PNPT1: variants seen among roughly 807,000 people sequenced by gnomAD.
PNPT1 encodes the protein polyribonucleotide nucleotidyltransferase 1, also known as polyribonucleotide nucleotidyltransferase 1, mitochondrial.
PNPT1 carries 53 observed loss-of-function variants against 119.5 expected under a neutral mutation model. That is an observed-to-expected ratio of 0.44 (90% CI 0.36 to 0.56). The LOEUF is 0.56. PNPT1 is among the 20% of genes least tolerant of loss of function. The pLI is 0.00. For missense variants in PNPT1, 948 were observed against 938.5 expected (o/e 1.01, Z -0.13); for synonymous variants, 357 against 322.1 (o/e 1.11, Z -1.16).
chr2:55,671,445 TTA>T, intron 10 of PNPT1, 69 bp from the exon 11 acceptor site: 1 of 940,938 alleles, frequency 1.1e-6, no homozygotes, highest in South Asian at 1.9e-5. Context: ...TTTCTAATTA[TTA>T]TACAATGAAC....
intron 15 of PNPT1, among the ~76,000 whole-genome samples, chr2:55,658,202 C>T (rs1373561217): frequency 2.6e-5 from 4 of 152,000 alleles, no homozygotes. Context: ...CACTGCACTC[C>T]AGCCTGAGTG....
At chr2:55,686,692 T>C (rs538161378) in intron 2 of PNPT1, among the ~76,000 whole-genome samples, 2 of 152,348 alleles carry the variant, frequency 1.3e-5, no homozygotes, top group East Asian at 3.9e-4. Context: ...AATAGTATTC[T>C]CTACTTCTTA....
chr2:55,636,953 C>G (rs1304863842), intron 27 of PNPT1, among the ~76,000 whole-genome samples: 2 of 152,142 alleles, frequency 1.3e-5, no homozygotes, highest in African/African-American at 2.4e-5. Flanking sequence ...CTCATCTTCC[C>G]CTGGAGGCTA....
chr2:55,643,087 G>A (rs1462725594), intron 25 of PNPT1, 71 bp downstream of exon 25: 1 of 1,522,846 alleles, frequency 6.6e-7, no homozygotes, highest in Admixed American at 1.7e-5. Context: ...GTATCCCACT[G>A]TGGGTGGCAG....
intron 18 of PNPT1, among the ~76,000 whole-genome samples, chr2:55,650,537 G>A (rs897926161): frequency 2.0e-5 from 3 of 152,040 alleles, no homozygotes; most frequent in Admixed American, 6.6e-5. Context: ...CCAAAGTGCC[G>A]AGATTGCAGC....
chr2:55,651,896 A>AAC (rs1337134121), intron 18 of PNPT1, among the ~76,000 whole-genome samples: 2 of 151,288 alleles, frequency 1.3e-5, no homozygotes, highest in African/African-American at 2.4e-5. Flanking sequence ...AAAAAAAAAA[A>AAC]AAAAAAAACA....
intron 8 of PNPT1, among the ~76,000 whole-genome samples, chr2:55,676,990 GTTAACT>G (rs1281915402): frequency 2.6e-5 from 4 of 152,136 alleles, no homozygotes; most frequent in Admixed American, 6.5e-5. Context: ...TGGACCCGAT[GTTAACT>G]TTAACAGGTA....
chr2:55,637,403 G>A, intron 27 of PNPT1, 149 bp downstream of exon 27: 1 of 748,454 alleles, frequency 1.3e-6, no homozygotes, highest in South Asian at 1.8e-5. Flanking sequence ...TAATGAGTCT[G>A]TTCAAGCAAT....
chr2:55,647,428 T>C lies in PNPT1; in HGVS notation c.1521A>G (p.Ala507=). 6.2e-7 allele frequency: 1 copy of C among 1,608,712 alleles called. No individual in the cohort carries two copies. Among genetic ancestry groups the C allele is most frequent in the East Asian group, 2.2e-5 (1 of 44,784 alleles). The change falls in exon 19 of 28, where the codon GCA becomes GCG. Residue 507 remains alanine, a synonymous_variant. Coordinates refer to ENST00000447944, the MANE Select transcript of PNPT1 (RefSeq NM_033109.5). ...DSGVPISSAV[A]GVAIGLVTKT... ...TGGTGACCAATCCTATTGCTACGCCTGCAACAGCAGATGAAATTGGAACCC... is the reference window on the plus strand; with the variant it reads ...TGGTGACCAATCCTATTGCTACGCCCGCAACAGCAGATGAAATTGGAACCC...
intron 18 of PNPT1, among the ~76,000 whole-genome samples, chr2:55,652,211 C>T (rs1428824378): frequency 2.0e-5 from 3 of 152,032 alleles, no homozygotes; most frequent in Non-Finnish European, 4.4e-5. Context: ...TTTTCAAAAA[C>T]TGGGTACAAT....
At chr2:55,673,888 A>G (rs551768544) in intron 8 of PNPT1, among the ~76,000 whole-genome samples, 1 of 151,812 alleles carries the variant, frequency 6.6e-6, no homozygotes, top group Non-Finnish European at 1.5e-5. Flanking sequence ...ACATCCAGCT[A>G]ATTTTTGTAG....
chr2:55,651,864 G>A (rs1572804675), intron 18 of PNPT1, among the ~76,000 whole-genome samples: 3 of 63,874 alleles, frequency 4.7e-5, no homozygotes, highest in Non-Finnish European at 6.7e-5. Context: ...ATAAAGAGAA[G>A]ACAAAGATAA....
chr2:55,651,921 A>G (rs1361167683), intron 18 of PNPT1, among the ~76,000 whole-genome samples: 1 of 150,382 alleles, frequency 6.6e-6, no homozygotes, highest in African/African-American at 2.4e-5. Flanking sequence ...CCTTCAACAT[A>G]TGGTTCTACT....
intron 15 of PNPT1, among the ~76,000 whole-genome samples, chr2:55,657,122 A>G (rs929412346): frequency 4.6e-5 from 7 of 152,100 alleles, no homozygotes; most frequent in Non-Finnish European, 2.9e-5. Flanking sequence ...TGAGCTCAGG[A>G]GTTTGAAACT....
intron 27 of PNPT1, among the ~76,000 whole-genome samples, chr2:55,636,665 C>T (rs1474416846): frequency 6.6e-6 from 1 of 152,128 alleles, no homozygotes; most frequent in African/African-American, 2.4e-5. Flanking sequence ...AGTCCTTATA[C>T]TGGGGGAACA....
chr2:55,672,188 C>T (rs1007155909), intron 9 of PNPT1, 142 bp from the exon 10 acceptor site: 5 of 652,642 alleles, frequency 7.7e-6, no homozygotes, highest in Middle Eastern at 4.3e-4. Flanking sequence ...ATTTATATTG[C>T]TATTTATCAT....
intron 7 of PNPT1, 120 bp downstream of exon 7, chr2:55,680,592 T>C: frequency 4.4e-6 from 4 of 906,738 alleles, no homozygotes; most frequent in East Asian, 4.9e-5. Context: ...GAACGTCATC[T>C]AGTTCAATTC....
intron 13 of PNPT1, among the ~76,000 whole-genome samples, chr2:55,663,957 C>G (rs1559099626): frequency 6.6e-6 from 1 of 152,034 alleles, no homozygotes; most frequent in Admixed American, 6.6e-5. Context: ...CCACTGCACT[C>G]CAGCCTGGGC....
chr2:55,643,409 C>T lies in PNPT1; in HGVS notation c.1923G>A (p.Gln641=), dbSNP rs779794474. The T allele has an allele frequency of 1.2e-5, 20 of 1,613,776 alleles. No individual in the cohort carries two copies. Among genetic ancestry groups the T allele is most frequent in the Non-Finnish European group, 1.7e-5 (20 of 1,180,020 alleles). The change falls in exon 24 of 28, where the codon CAG becomes CAA. Residue 641 remains glutamine, a synonymous_variant. Transcript: ENST00000447944. ...ATACAGAAAACGTTTCTTCATCCAC[C>T]TGACTAATAGTTACACCTTTTAAAA... ...LQAETGVTIS[Q]VDEETFSVFA... is the part of the protein sequence containing the mutation.
Sources: allele counts gnomAD v4.1 joint callset (sites outside exome capture counted in the v4.1 genomes callset), GRCh38; gene constraint gnomAD v4.1.1; transcripts MANE v1.5; gene names NCBI Gene and HGNC (gene_info 2026-07-23, HGNC 2026-07-21).